The following DHX9 variants were observed in gnomAD, a reference collection of about 807,000 sequenced individuals.
The protein encoded by DHX9 is DExH-box helicase 9.
Under a neutral mutation model 148.7 loss-of-function variants are expected in DHX9, and 27 were observed. The observed-to-expected ratio is 0.18, with a 90% CI of 0.13 to 0.25. The LOEUF is 0.25. DHX9 is among the 10% of genes least tolerant of loss of function. The pLI is 1.00. For synonymous variants in DHX9, 529 were observed against 516.6 expected, an observed-to-expected ratio of 1.02 and a Z score of -0.33; for missense variants, 796 against 1,559.6, an observed-to-expected ratio of 0.51 and a Z score of 8.25.
intron 3 of DHX9, among the ~76,000 whole-genome samples, chr1:182,844,966 C>G (rs1571295454): frequency 6.6e-6 from 1 of 152,180 alleles, no homozygotes; most frequent in Non-Finnish European, 1.5e-5. Context: ...CCCAGCCTGT[C>G]TATGCCAGTT....
chr1:182,876,347 T>G, intron 17 of DHX9, 84 bp downstream of exon 17: 1 of 1,563,970 alleles, frequency 6.4e-7, no homozygotes, highest in Non-Finnish European at 8.8e-7. Context: ...AAAACAAAAT[T>G]TTGTATTGTT....
chr1:182,869,247 T>G (rs537669540), intron 14 of DHX9, among the ~76,000 whole-genome samples: 9 of 152,256 alleles, frequency 5.9e-5, no homozygotes, highest in African/African-American at 1.9e-4. Flanking sequence ...TTGTCCGGTA[T>G]TGTTTGGTCC....
Position 182,854,059 on chromosome 1 carries a change from T to C in DHX9, c.507T>C (p.Asn169=). Residue 169 remains asparagine (N), a synonymous_variant, in exon 6 of 28, where the codon AAT becomes AAC. Coordinates refer to ENST00000367549, the MANE Select transcript of DHX9 (RefSeq NM_001357.5). ...ATLESEEVDL[N]AGLHGNWTLE... ...TAGAATCAGAAGAAGTGGATTTAAATGCTGGGCTTCATGGAAACTGGACCT... is the reference window on the plus strand; with the variant it reads ...TAGAATCAGAAGAAGTGGATTTAAACGCTGGGCTTCATGGAAACTGGACCT... 1 of 1,612,720 alleles carries C rather than the reference T, an allele frequency of 6.2e-7. No homozygotes were observed. The highest frequency in any genetic ancestry group is 1.3e-5 in the African/African-American group (1 of 75,002).
chr1:182,873,459 A>G (rs1557976335), intron 15 of DHX9, among the ~76,000 whole-genome samples: 1 of 152,232 alleles, frequency 6.6e-6, no homozygotes, highest in Non-Finnish European at 1.5e-5. Context: ...TAATTCTGAA[A>G]CTGCTGTACA....
intron 14 of DHX9, among the ~76,000 whole-genome samples, chr1:182,869,307 C>T (rs561782977): frequency 5.9e-5 from 9 of 151,602 alleles, no homozygotes; most frequent in South Asian, 2.1e-4. Flanking sequence ...CAGTCTGGTC[C>T]GGTCCTGACC....
At chr1:182,885,557 A>C (rs891051320) in intron 27 of DHX9, among the ~76,000 whole-genome samples, 1 of 152,228 alleles carries the variant, frequency 6.6e-6, no homozygotes, top group East Asian at 1.9e-4. Context: ...ATACTATAAT[A>C]TACTAAGGTA....
intron 3 of DHX9, among the ~76,000 whole-genome samples, chr1:182,845,936 C>T (rs1668020123): frequency 6.6e-6 from 1 of 152,166 alleles, no homozygotes; most frequent in African/African-American, 2.4e-5. Context: ...ATTTGGAAGC[C>T]CTCCAAACCC....
chr1:182,873,653 T>C (rs1350566674), intron 15 of DHX9, among the ~76,000 whole-genome samples: 1 of 152,212 alleles, frequency 6.6e-6, no homozygotes, highest in South Asian at 2.1e-4. Flanking sequence ...TGGATAGGTA[T>C]AGAAATAATT....
chr1:182,859,187 A>G (rs1006228360), intron 11 of DHX9, 70 bp downstream of exon 11: 14 of 1,399,240 alleles, frequency 1.0e-5, no homozygotes, highest in African/African-American at 1.4e-5. Flanking sequence ...TAAAAAGTCA[A>G]TGAGCAGTAC....
intron 12 of DHX9, among the ~76,000 whole-genome samples, chr1:182,866,087 C>G (rs1648281862): frequency 6.6e-6 from 1 of 152,176 alleles, no homozygotes. Flanking sequence ...GTTCACCTTC[C>G]TGATTCCCAT....
At chr1:182,880,455 G>A (rs1019910977) in intron 21 of DHX9, 42 bp from the exon 22 acceptor site, 10 of 1,301,086 alleles carry the variant, frequency 7.7e-6, no homozygotes, top group Non-Finnish European at 1.1e-5. Context: ...CCTAAAATTA[G>A]TGTTCATTTG....
chr1:182,844,382 ATT>A (rs1178632616), intron 3 of DHX9, among the ~76,000 whole-genome samples: 2 of 151,662 alleles, frequency 1.3e-5, no homozygotes, highest in African/African-American at 4.9e-5. Flanking sequence ...GTTTTGGGGG[ATT>A]TTTGTTTTGT....
intron 3 of DHX9, among the ~76,000 whole-genome samples, chr1:182,846,774 A>G (rs188785384): frequency 2.0e-5 from 3 of 152,052 alleles, no homozygotes; most frequent in Admixed American, 2.0e-4. Flanking sequence ...AGATTTATGT[A>G]TTTCACCAAC....
At chr1:182,854,236 C>G in intron 6 of DHX9, 58 bp downstream of exon 6, 1 of 1,448,546 alleles carries the variant, frequency 6.9e-7, no homozygotes, top group Non-Finnish European at 9.4e-7. Context: ...TGGATATTCA[C>G]TGTTGAATAT....
At chr1:182,865,748 C>T (rs1270594442) in intron 12 of DHX9, among the ~76,000 whole-genome samples, 4 of 152,172 alleles carry the variant, frequency 2.6e-5, no homozygotes, top group Non-Finnish European at 4.4e-5. Flanking sequence ...TCTTCGTGTA[C>T]CTCTGTAGCT....
rs1305860647 is a variant in DHX9, at chr1:182,859,999, C to G, written c.1147C>G (p.Gln383Glu). 10 of 1,608,884 alleles carry G rather than the reference C, an allele frequency of 6.2e-6. No homozygotes were observed. Among genetic ancestry groups the G allele is most frequent in the South Asian group, 3.3e-5 (3 of 90,294 alleles). The change falls in exon 12 of 28, where the codon CAG becomes GAG. Residue 383 changes from glutamine to glutamate, a missense_variant. Gln to Glu is a conservative substitution (Grantham distance 29). Around this residue, in one of 14 missense-constraint regions of DHX9, gnomAD observed 42 missense variants for 27.1 expected, o/e 1.55. Coordinates refer to ENST00000367549, the MANE Select transcript of DHX9 (RefSeq NM_001357.5). The stretch of plus-strand genomic sequence containing the variant: ...TGTGACTTTTCTAATGCAGATCTTG[C>G]AGGAGAGAGAGTTACTGCCTGTGAA... ...EQDHDLQAIL[Q>E]ERELLPVKKF...
chr1:182,864,247 T>C (rs1227258533), intron 12 of DHX9, among the ~76,000 whole-genome samples: 1 of 152,184 alleles, frequency 6.6e-6, no homozygotes, highest in Non-Finnish European at 1.5e-5. Flanking sequence ...TCACCTGACC[T>C]AACTGATGTT....
At chr1:182,851,231 A>G (rs570936988) in intron 3 of DHX9, among the ~76,000 whole-genome samples, 18 of 152,352 alleles carry the variant, frequency 1.2e-4, no homozygotes, top group African/African-American at 4.3e-4. Context: ...AACATTAGAC[A>G]TGTTGCTATA....
chr1:182,878,014 T>G lies in DHX9; in HGVS notation c.2199-7T>G. Reference sequence around the variant, plus strand: ...AGTCTTAGAATTAACCACTTTTTCCTATGTAGGCAGAAAGTGAAACTCTTC... The same window carrying G: ...AGTCTTAGAATTAACCACTTTTTCCGATGTAGGCAGAAAGTGAAACTCTTC... On this transcript the variant is annotated splice_polypyrimidine_tract_variant and splice_region_variant and intron_variant, in intron 19 of 27. Transcript: ENST00000367549. 6.2e-7 allele frequency: 1 copy of G among 1,614,122 alleles called. No homozygotes were observed. Among genetic ancestry groups the G allele is most frequent in the Non-Finnish European group, 8.5e-7 (1 of 1,179,974 alleles).
Sources: gnomAD v4.1 joint callset for allele counts (sites outside exome capture counted in the v4.1 genomes callset) on GRCh38, gnomAD v4.1.1 for gene constraint, gnomAD v4.1.1 regional missense constraint, MANE v1.5 for transcripts, NCBI Gene and HGNC (gene_info 2026-07-23, HGNC 2026-07-21) for gene names.